Variants in EDC3 observed in about 807,000 individuals in gnomAD.
The protein encoded by EDC3 is enhancer of mRNA decapping 3, also known as enhancer of mRNA-decapping protein 3.
EDC3 carries 20 observed loss-of-function variants against 41.8 expected under a neutral mutation model. That is an observed-to-expected ratio of 0.48 (90% CI 0.34 to 0.70). The LOEUF (loss-of-function observed/expected upper bound fraction) is 0.70, where lower values mean the gene tolerates loss of function less well. Ranked by LOEUF, EDC3 falls within the 30% of genes least tolerant of loss-of-function variation. The pLI is 0.01. For missense variants in EDC3, 444 were observed against 636.8 expected (o/e 0.70, Z 3.26); for synonymous variants, 206 against 243.2 (o/e 0.85, Z 1.42).
chr15:74,672,825 AATT>A (rs2062754845), intron 2 of EDC3, among the ~76,000 whole-genome samples: 1 of 152,026 alleles, frequency 6.6e-6, no homozygotes, highest in African/African-American at 2.4e-5. Context: ...AAAAAAAAAA[AATT>A]TTTTTTTTTA....
Position 74,695,271 on chromosome 15 carries a change from C to T in EDC3, c.-19+609G>A, listed in dbSNP as rs145319869. On this transcript the variant is annotated intron_variant, in intron 1 of 6. Coordinates refer to ENST00000315127, the MANE Select transcript of EDC3 (RefSeq NM_025083.5). ...ACTGACCAAGCCAACAAGGACTATG[C>T]CTCCCACAAACCAAAACACTTTAAC... The T allele has an allele frequency of 8.3e-4, 127 of 152,240 alleles. 1 individual carries two copies. Among genetic ancestry groups the T allele is most frequent in the African/African-American group, 3.0e-3 (124 of 41,536 alleles). 9.4% of individuals were successfully genotyped at this position (152,240 alleles called of 1,614,324 possible).
chr15:74,632,172 G>A lies in EDC3; in HGVS notation c.*440C>T. On this transcript the variant is annotated 3_prime_UTR_variant, in exon 7 of 7. Coordinates refer to ENST00000315127, the MANE Select transcript of EDC3 (RefSeq NM_025083.5). The surrounding 1 kb of genome is among the most constrained non-coding windows in gnomAD (Gnocchi z 4.0). ...GCTGCCGTGCAGCTGGTTCTACAGA[G>A]GAAGGGCTGTCTGCGTGGGGAAAGC... 1 of 214,620 alleles carries A rather than the reference G, an allele frequency of 4.7e-6. No homozygotes were observed. The highest frequency in any genetic ancestry group is 9.5e-6 in the Non-Finnish European group (1 of 104,932). The allele number at this position is 214,620 out of a possible 1,614,324, so 13.3% of individuals were successfully genotyped here. A position where few individuals can be genotyped will look rare whatever the true frequency, so the allele number is the denominator to read the frequency against.
intron 4 of EDC3, chr15:74,644,917 T>C (rs1466216954): frequency 6.6e-6 from 1 of 152,186 alleles, no homozygotes; most frequent in Non-Finnish European, 1.5e-5. Flanking sequence ...GACAAGGGGA[T>C]ACAATGTACT....
At chr15:74,657,216 T>C (rs1209164289) in intron 3 of EDC3, among the ~76,000 whole-genome samples, 1 of 152,200 alleles carries the variant, frequency 6.6e-6, no homozygotes, top group Non-Finnish European at 1.5e-5. Flanking sequence ...AAGAGCACCA[T>C]AACACATCCT....
chr15:74,655,173 GATTATCATCTACAATGACCTAC>G (rs2062530796), intron 4 of EDC3, among the ~76,000 whole-genome samples: 1 of 152,202 alleles, frequency 6.6e-6, no homozygotes, highest in Non-Finnish European at 1.5e-5. Context: ...AATAGAACTA[GATTATCATCTACAATGACCTAC>G]ATAAGGCACT....
At chr15:74,656,406 A>AACACACACACACACAC (rs143925363) in intron 3 of EDC3, among the ~76,000 whole-genome samples, 3 of 145,848 alleles carry the variant, frequency 2.1e-5, no homozygotes, top group African/African-American at 5.1e-5. Flanking sequence ...TCTGTCTCAA[A>AACACACACACACACAC]ACACACACAC....
chr15:74,659,898 A>T (rs563986635), intron 3 of EDC3, among the ~76,000 whole-genome samples: 1 of 152,070 alleles, frequency 6.6e-6, no homozygotes, highest in South Asian at 2.1e-4. Flanking sequence ...TACAAAAATT[A>T]GCTGGGCATG....
At position 74,671,833 on chromosome 15, in the gene EDC3, T is replaced by C; in HGVS notation, c.165-59A>G. 6.5e-7 allele frequency: 1 copy of C among 1,531,992 alleles called. No homozygotes were observed. The highest frequency in any genetic ancestry group is 2.3e-5 in the East Asian group (1 of 44,302). The allele number at this position is 1,531,992 out of a possible 1,614,324, so 94.9% of individuals were successfully genotyped here. On this transcript the variant is annotated intron_variant, in intron 2 of 6. Coordinates refer to ENST00000315127, the MANE Select transcript of EDC3 (RefSeq NM_025083.5). The surrounding 1 kb of genome is among the most constrained non-coding windows in gnomAD (Gnocchi z 4.6). The stretch of plus-strand genomic sequence containing the variant: ...ATAATAGTGGTAAGAATGATGAAAC[T>C]GAGATCATTAGCAAACAGCTACCCC...
intron 1 of EDC3, among the ~76,000 whole-genome samples, chr15:74,691,400 TA>T (rs1316460917): frequency 6.6e-6 from 1 of 152,222 alleles, no homozygotes; most frequent in Non-Finnish European, 1.5e-5. Context: ...GTCTACAACA[TA>T]AAAAATTTTA....
At chr15:74,684,184 T>C (rs1216289556) in intron 1 of EDC3, among the ~76,000 whole-genome samples, 1 of 149,738 alleles carries the variant, frequency 6.7e-6, no homozygotes, top group Non-Finnish European at 1.5e-5. Flanking sequence ...ACTATAGGTG[T>C]ATGCTACCAT....
intron 2 of EDC3, among the ~76,000 whole-genome samples, chr15:74,674,474 A>G (rs1159600990): frequency 2.0e-5 from 3 of 152,144 alleles, no homozygotes; most frequent in Admixed American, 2.0e-4. Flanking sequence ...GTTATTTGTA[A>G]CCTTGGCAAA....
intron 3 of EDC3, among the ~76,000 whole-genome samples, chr15:74,657,712 G>A (rs1483789099): frequency 6.6e-6 from 1 of 152,184 alleles, no homozygotes; most frequent in Non-Finnish European, 1.5e-5. Context: ...GCAATCTTCT[G>A]ATTTTTAATT....
At chr15:74,648,242 T>C (rs1234329639) in intron 4 of EDC3, among the ~76,000 whole-genome samples, 1 of 152,222 alleles carries the variant, frequency 6.6e-6, no homozygotes, top group Non-Finnish European at 1.5e-5. Flanking sequence ...TCAAAACAGA[T>C]TTCTTGACTA....
chr15:74,673,837 CAAA>C (rs748537794), intron 2 of EDC3, among the ~76,000 whole-genome samples: 6 of 47,244 alleles, frequency 1.3e-4, no homozygotes, highest in Admixed American at 2.3e-4. Context: ...GAGACTCCAT[CAAA>C]AAAAAAAAAA....
intron 3 of EDC3, among the ~76,000 whole-genome samples, chr15:74,657,418 C>T (rs1041354065): frequency 2.0e-5 from 3 of 152,226 alleles, no homozygotes; most frequent in African/African-American, 7.2e-5. Context: ...CTGAAACAGA[C>T]AGCCAGGTTC....
chr15:74,693,996 A>C (rs553248424), intron 1 of EDC3, among the ~76,000 whole-genome samples: 16 of 152,190 alleles, frequency 1.1e-4, no homozygotes, highest in Admixed American at 7.2e-4. Flanking sequence ...CAAAAAAAAA[A>C]ACAAAAACTT....
intron 1 of EDC3, among the ~76,000 whole-genome samples, chr15:74,681,206 T>A (rs1036572107): frequency 3.3e-5 from 5 of 152,160 alleles, no homozygotes; most frequent in African/African-American, 1.2e-4. Flanking sequence ...CAGGCTGGAG[T>A]GCAGTGGCGC....
In EDC3 at chr15:74,671,489, A is replaced by C; in HGVS notation, c.450T>G (p.Ser150Arg). Residue 150 changes from serine to arginine, a missense_variant, in exon 3 of 7, where the codon AGT (serine) becomes AGG (arginine). Physicochemically the swap from Ser to Arg is moderately radical, Grantham distance 110. Coordinates refer to ENST00000315127, the MANE Select transcript of EDC3 (RefSeq NM_025083.5). This position sits in a 1 kb window ranked among gnomAD's most constrained non-coding sequence, Gnocchi z 4.6. ...SYVDRHMESLSQSKSFRRRHN... is the reference protein window; with the variant it reads ...SYVDRHMESLRQSKSFRRRHN... Reference sequence around the variant, plus strand: ...GCCGACGACGGAAACTTTTGGACTGACTCAAGGATTCCATGTGCCTGTCGA... The same window carrying C: ...GCCGACGACGGAAACTTTTGGACTGCCTCAAGGATTCCATGTGCCTGTCGA... The C allele has an allele frequency of 1.2e-6, 2 of 1,613,628 alleles. No individual in the cohort carries two copies. Among genetic ancestry groups the C allele is most frequent in the Non-Finnish European group, 8.5e-7 (1 of 1,179,738 alleles).
chr15:74,671,667 C>A lies in EDC3; in HGVS notation c.272G>T (p.Cys91Phe), dbSNP rs552199641. 4.3e-6 allele frequency: 7 copies of A among 1,614,174 alleles called. No individual in the cohort carries two copies. In the South Asian group the frequency reaches 6.6e-5, roughly 15 times the overall value. ...GCCATTCTGATTGATGCCCACTTGGCAGCCAGCACCAGAGGGGCCTAATTC... is the reference window on the plus strand; with the variant it reads ...GCCATTCTGATTGATGCCCACTTGGAAGCCAGCACCAGAGGGGCCTAATTC... ...QTELGPSGAG[C>F]QVGINQNGTG... The change falls in exon 3 of 7, where the codon TGC becomes TTC. Residue 91 changes from cysteine (C) to phenylalanine (F), a missense_variant. Cys to Phe is a radical substitution (Grantham distance 205, BLOSUM62 -2). Around this residue, in one of 3 missense-constraint regions of EDC3, gnomAD observed 200 missense variants for 244.0 expected, o/e 0.82. Coordinates refer to ENST00000315127, the MANE Select transcript of EDC3 (RefSeq NM_025083.5). The surrounding 1 kb of genome is among the most constrained non-coding windows in gnomAD (Gnocchi z 4.6).
Sources: gnomAD v4.1 joint callset for allele counts (sites outside exome capture counted in the v4.1 genomes callset) on GRCh38, gnomAD v4.1.1 for gene constraint, gnomAD v4.1.1 regional missense constraint, Gnocchi (gnomAD v3.1) non-coding constraint, MANE v1.5 for transcripts, NCBI Gene and HGNC (gene_info 2026-07-23, HGNC 2026-07-21) for gene names.